BEAN1: variants seen among roughly 807,000 people sequenced by gnomAD.
BEAN1 encodes the protein brain expressed associated with NEDD4 1.
BEAN1 carries 17 observed loss-of-function variants against 17.7 expected under a neutral mutation model. The ratio of observed to expected loss-of-function variants is 0.96; its 90% CI spans 0.66 to 1.44. The LOEUF (loss-of-function observed/expected upper bound fraction) is 1.44, where lower values mean the gene tolerates loss of function less well. BEAN1 is among the 40% of genes most tolerant of loss of function. The pLI is 0.00. For missense variants in BEAN1, 359 were observed against 374.1 expected, an observed-to-expected ratio of 0.96 and a Z score of 0.33; for synonymous variants, 142 against 151.8, an observed-to-expected ratio of 0.94 and a Z score of 0.47.
rs1961624286 is a variant in BEAN1, at chr16:66,427,495, CCG to C, written c.-83+68_-83+69del. Reference sequence around the variant, plus strand: ...GGCGGGGGGTCCCGGCCCCATTCCCCCGCGCTCTGCGGTGGTACCGGCGAACG... The same window carrying C: ...GGCGGGGGGTCCCGGCCCCATTCCCCCGCTCTGCGGTGGTACCGGCGAACG... On this transcript the variant is annotated intron_variant, in intron 1 of 4. Transcript: ENST00000536005. The surrounding 1 kb of genome is among the most constrained non-coding windows in gnomAD (Gnocchi z 4.7). 6.6e-6 allele frequency: 1 copy of C among 151,552 alleles called. No individual in the cohort carries two copies. The highest frequency in any genetic ancestry group is 1.5e-5 in the Non-Finnish European group (1 of 67,780). 9.4% of individuals were successfully genotyped at this position (151,552 alleles called of 1,614,324 possible).
At chr16:66,456,720 A>G (rs894211592) in intron 2 of BEAN1, among the ~76,000 whole-genome samples, 5 of 152,238 alleles carry the variant, frequency 3.3e-5, no homozygotes, top group Admixed American at 3.3e-4. Context: ...AAATTGTTTC[A>G]GTGAGTTTTT....
At position 66,480,937 on chromosome 16, in the gene BEAN1, A is replaced by C. The variant is rs1334981478; in HGVS notation, c.*12A>C. 2 of 1,432,732 alleles carry C rather than the reference A, an allele frequency of 1.4e-6. No homozygotes were observed. Among genetic ancestry groups the C allele is most frequent in the South Asian group, 3.0e-5 (2 of 67,636 alleles). The allele number at this position is 1,432,732 out of a possible 1,614,324, so 88.8% of individuals were successfully genotyped here. ...AGAGGATTGTGTGAGGGACCCAGCC[A>C]GCCGGGTCCTGCTGGTCCCTACAGG... On this transcript the variant is annotated 3_prime_UTR_variant, in exon 5 of 5. Coordinates refer to ENST00000536005, the MANE Select transcript of BEAN1 (RefSeq NM_001178020.3).
intron 2 of BEAN1, among the ~76,000 whole-genome samples, chr16:66,465,583 C>T (rs1231708169): frequency 6.6e-6 from 1 of 152,200 alleles, no homozygotes; most frequent in Admixed American, 6.5e-5. Flanking sequence ...CATTGCTATG[C>T]AGCCATCAAC....
chr16:66,481,180 G>A lies in BEAN1; in HGVS notation c.*255G>A. ...AAAACCCACCTGCAAAGGTTTCACG[G>A]AACGTGGAGCTCTCCTGGCCTCCCG... On this transcript the variant is annotated 3_prime_UTR_variant, in exon 5 of 5. Coordinates refer to ENST00000536005, the MANE Select transcript of BEAN1 (RefSeq NM_001178020.3). The surrounding 1 kb of genome is among the most constrained non-coding windows in gnomAD (Gnocchi z 4.1). The A allele has an allele frequency of 2.4e-6, 1 of 417,834 alleles. No homozygotes were observed. Among genetic ancestry groups the A allele is most frequent in the Non-Finnish European group, 4.2e-6 (1 of 238,030 alleles). The allele number at this position is 417,834 out of a possible 1,614,324, so 25.9% of individuals were successfully genotyped here.
chr16:66,474,712 GGA>G (rs1046141022), intron 3 of BEAN1, among the ~76,000 whole-genome samples: 29 of 149,398 alleles, frequency 1.9e-4, no homozygotes, highest in African/African-American at 7.2e-4. Context: ...GAGAAAAAAA[GGA>G]GAGAAAGAAA....
intron 4 of BEAN1, among the ~76,000 whole-genome samples, chr16:66,479,325 G>A (rs1298488362): frequency 6.6e-6 from 1 of 152,060 alleles, no homozygotes; most frequent in Non-Finnish European, 1.5e-5. Flanking sequence ...AGATGCCCTG[G>A]GGGTGCCTGG....
At chr16:66,477,439 G>A in intron 3 of BEAN1, 121 bp from the exon 4 acceptor site, 1 of 1,044,410 alleles carries the variant, frequency 9.6e-7, no homozygotes, top group African/African-American at 1.7e-5. Flanking sequence ...TGTGCTTGGT[G>A]AGGAGAGGAG....
chr16:66,489,606 T>C (rs1567514043), intron 4 of BEAN1, among the ~76,000 whole-genome samples: 1 of 149,138 alleles, frequency 6.7e-6, no homozygotes, highest in Non-Finnish European at 1.5e-5. Flanking sequence ...GAGCCAGTAG[T>C]GTGGGTGGTA....
intron 4 of BEAN1, 111 bp downstream of exon 4, chr16:66,477,821 G>T: frequency 1.6e-6 from 2 of 1,264,044 alleles, no homozygotes; most frequent in Admixed American, 3.3e-5. Context: ...TATAAATGCA[G>T]AAAACATCTG....
chr16:66,435,001 A>G (rs1961958808), intron 1 of BEAN1, among the ~76,000 whole-genome samples: 1 of 152,204 alleles, frequency 6.6e-6, no homozygotes, highest in East Asian at 1.9e-4. Flanking sequence ...TGACAGAAAC[A>G]CAGCCAGAGT....
chr16:66,494,449 G>A (rs367662535), downstream of BEAN1, among the ~76,000 whole-genome samples: 14 of 152,254 alleles, frequency 9.2e-5, no homozygotes, highest in East Asian at 1.7e-3. Context: ...GAGGTGAGGT[G>A]TGCTCAGTGC....
intron 2 of BEAN1, among the ~76,000 whole-genome samples, chr16:66,454,406 C>T (rs922387542): frequency 7.9e-5 from 12 of 152,124 alleles, no homozygotes; most frequent in Admixed American, 1.3e-4. Flanking sequence ...TTTTGGGGGA[C>T]TTGTTAAGTG....
intron 2 of BEAN1, among the ~76,000 whole-genome samples, chr16:66,455,688 C>CT (rs35075494): frequency 0.11 from 15,685 of 143,646 alleles, 1,126 homozygotes; most frequent in East Asian, 0.22. Context: ...AATAAAGCTA[C>CT]TTTTTTTTTT....
At chr16:66,472,207 C>G (rs1963510334) in intron 3 of BEAN1, among the ~76,000 whole-genome samples, 1 of 152,216 alleles carries the variant, frequency 6.6e-6, no homozygotes, top group Non-Finnish European at 1.5e-5. Flanking sequence ...GATAGGTGTC[C>G]CCCTCCTCTG....
intron 1 of BEAN1, among the ~76,000 whole-genome samples, chr16:66,437,270 G>A (rs12932108): frequency 0.15 from 22,884 of 151,940 alleles, 2,163 homozygotes; most frequent in South Asian, 0.31. Context: ...GAAGTTGTCC[G>A]AAGCAGTGGG....
chr16:66,433,832 C>T (rs1961902056), intron 1 of BEAN1, among the ~76,000 whole-genome samples: 2 of 152,188 alleles, frequency 1.3e-5, no homozygotes. Flanking sequence ...TGGTGTGAGG[C>T]TGGCCGCTCC....
At chr16:66,483,048 C>A, downstream of BEAN1, 2 of 374,564 alleles carry the variant, frequency 5.3e-6, no homozygotes. Flanking sequence ...TTTTTGTAAA[C>A]ACAGGGTCTC....
At chr16:66,449,766 G>A (rs928694164) in intron 2 of BEAN1, among the ~76,000 whole-genome samples, 1 of 152,080 alleles carries the variant, frequency 6.6e-6, no homozygotes, top group Non-Finnish European at 1.5e-5. Context: ...TTATACACAC[G>A]CAATATGTCA....
At chr16:66,489,630 A>T (rs960487716) in intron 4 of BEAN1, among the ~76,000 whole-genome samples, 1 of 152,196 alleles carries the variant, frequency 6.6e-6, no homozygotes, top group African/African-American at 2.4e-5. Context: ...GAATCTACCA[A>T]GACAGTTGTG....
Sources: gnomAD v4.1 joint callset for allele counts (sites outside exome capture counted in the v4.1 genomes callset) on GRCh38, gnomAD v4.1.1 for gene constraint, Gnocchi (gnomAD v3.1) non-coding constraint, MANE v1.5 for transcripts, NCBI Gene and HGNC (gene_info 2026-07-23, HGNC 2026-07-21) for gene names.